The following ADI1 variants were observed in gnomAD, a reference collection of about 807,000 sequenced individuals.
ADI1 encodes the protein acireductone dioxygenase 1.
In ADI1, 21 loss-of-function variants were observed where a neutral mutation model predicts 18.7. The observed-to-expected ratio is 1.13, with a 90% CI of 0.80 to 1.62. ADI1 has a LOEUF of 1.62. Among genes scored for constraint, ADI1 ranks in the 40% most tolerant of loss-of-function variants. ADI1 has a pLI of 0.00. For missense variants in ADI1, 245 were observed against 254.9 expected (o/e 0.96, Z 0.26); for synonymous variants, 90 against 100.1 (o/e 0.90, Z 0.60).
chr2:3,519,154 C>T (rs1667499804), intron 1 of ADI1: 2 of 568,600 alleles, frequency 3.5e-6, no homozygotes, highest in Admixed American at 4.6e-5. Flanking sequence ...CCAGGCGCCG[C>T]GCAGGAGGCC....
intron 1 of ADI1, chr2:3,514,781 A>G: frequency 6.5e-7 from 1 of 1,547,208 alleles, no homozygotes; most frequent in Non-Finnish European, 8.7e-7. Flanking sequence ...TTTGCAATAA[A>G]CTGCACATTA....
rs114116573 is a variant in ADI1 at position 3,505,195 on chromosome 2, T to C, written c.241-4202A>G. 5.1e-3 allele frequency among the ~76,000 whole-genome samples: 782 copies of C among 152,330 alleles called. 4 individuals are homozygous for C. Among genetic ancestry groups the C allele is most frequent in the African/African-American group, 0.018 (755 of 41,558 alleles). ...GCTTAGAAGCCACCACTCCATCCTA[T>C]CAAGTAAAAGCAGAACAAACTGAAA... On this transcript the variant is annotated intron_variant, in intron 2 of 3. Coordinates refer to ENST00000327435, the MANE Select transcript of ADI1 (RefSeq NM_018269.4).
intron 2 of ADI1, among the ~76,000 whole-genome samples, chr2:3,501,460 A>T (rs1572231586): frequency 6.6e-6 from 1 of 152,204 alleles, no homozygotes. Flanking sequence ...ACACAGGGTG[A>T]GTGAGAAGCC....
rs763380271 is a variant in ADI1 at position 3,498,937 on chromosome 2, C to T, written c.*26G>A. 23 of 1,590,232 alleles carry T rather than the reference C, an allele frequency of 1.4e-5. No individual in the cohort carries two copies. Among genetic ancestry groups the T allele is most frequent in the South Asian group, 1.2e-4 (11 of 90,106 alleles). On this transcript the variant is annotated 3_prime_UTR_variant, in exon 4 of 4. Transcript: ENST00000327435. ...CATTACATTGGGGACCTTTACGAGG[C>T]ACGTGTTAGTTCCCAGGCAGCACTG...
chr2:3,511,502 G>T (rs2103210777), intron 2 of ADI1, among the ~76,000 whole-genome samples: 1 of 152,318 alleles, frequency 6.6e-6, no homozygotes, highest in East Asian at 1.9e-4. Context: ...CTCCCCAGAA[G>T]CAGATGGTGG....
intron 2 of ADI1, among the ~76,000 whole-genome samples, chr2:3,503,340 CACGT>C (rs1479720631): frequency 4.0e-5 from 6 of 148,386 alleles, no homozygotes; most frequent in African/African-American, 1.3e-4. Flanking sequence ...CACACATACA[CACGT>C]ACTCACACGC....
Position 3,500,912 on chromosome 2 carries a change from T to C in ADI1, c.322A>G (p.Arg108Gly), listed in dbSNP as rs1666990192. The change falls in exon 3 of 4, where the codon AGG (arginine) becomes GGG (glycine). Residue 108 changes from arginine (R) to glycine (G), a missense_variant. Transcript: ENST00000327435. ...CGGATCCACTGGTCCTCCTTGTCCC[T>C]CACATCGAAGTACCCACTGCCATCC... ...ILDGSGYFDV[R>G]DKEDQWIRIF... The C allele has an allele frequency of 1.2e-6, 2 of 1,614,080 alleles. No individual in the cohort carries two copies. The highest frequency in any genetic ancestry group is 1.3e-5 in the African/African-American group (1 of 74,936).
chr2:3,500,786 G>T, intron 3 of ADI1, 28 bp downstream of exon 3: 1 of 1,613,110 alleles, frequency 6.2e-7, no homozygotes, highest in Non-Finnish European at 8.5e-7. Flanking sequence ...CACAGGCCGG[G>T]CCTGGGGAGA....
intron 2 of ADI1, among the ~76,000 whole-genome samples, chr2:3,504,325 G>A (rs1044866818): frequency 6.6e-6 from 1 of 152,244 alleles, no homozygotes; most frequent in African/African-American, 2.4e-5. Context: ...GTATCAGCAA[G>A]AGGGTTTTAT....
At chr2:3,504,347 A>C (rs762055084) in intron 2 of ADI1, among the ~76,000 whole-genome samples, 1 of 152,242 alleles carries the variant, frequency 6.6e-6, no homozygotes, top group Non-Finnish European at 1.5e-5. Context: ...CCAGGAGAGA[A>C]GTAATTCCAG....
rs1050384379 is a variant in ADI1, at chr2:3,498,766, G to C, written c.*197C>G. On this transcript the variant is annotated 3_prime_UTR_variant, in exon 4 of 4. Transcript: ENST00000327435. ...CAGTCTTGATTGAGTTACAGAAAAT[G>C]AAGGTGACTCTTTACACTTCCAAGT... 8 of 790,096 alleles carry C rather than the reference G, an allele frequency of 1.0e-5. No individual in the cohort carries two copies. In the African/African-American group the frequency reaches 1.2e-4, roughly 12 times the overall value. The allele number at this position is 790,096 out of a possible 1,614,324, so 48.9% of individuals were successfully genotyped here.
chr2:3,512,861 C>A lies in ADI1; in HGVS notation c.240+996G>T, dbSNP rs996786110. On this transcript the variant is annotated intron_variant, in intron 2 of 3. Coordinates refer to ENST00000327435, the MANE Select transcript of ADI1 (RefSeq NM_018269.4). Reference sequence around the variant, plus strand: ...AGATTCACTGGCAGCTTGCACCCTGCACCTGCAAAAGCTATAGGCACTCAA... The same window carrying A: ...AGATTCACTGGCAGCTTGCACCCTGAACCTGCAAAAGCTATAGGCACTCAA... Among the ~76,000 whole-genome samples, 28 of 152,218 alleles carry A rather than the reference C, an allele frequency of 1.8e-4. 3 individuals are homozygous for A.
intron 2 of ADI1, among the ~76,000 whole-genome samples, chr2:3,501,498 G>A (rs922140319): frequency 2.6e-5 from 4 of 152,174 alleles, no homozygotes; most frequent in African/African-American, 9.7e-5. Flanking sequence ...GGCAGGCACA[G>A]ACTCCACAAG....
At chr2:3,516,471 T>C (rs1056634165) in intron 1 of ADI1, 2 of 84,414 alleles carry the variant, frequency 2.4e-5, no homozygotes, top group Admixed American at 1.9e-4. Flanking sequence ...CGAGGCTCCA[T>C]CTCAAAAAAA....
intron 1 of ADI1, chr2:3,514,993 G>A: frequency 9.5e-7 from 1 of 1,056,878 alleles, no homozygotes; most frequent in Non-Finnish European, 1.3e-6. Flanking sequence ...AGCTGAGGAT[G>A]TATGTCACCT....
At chr2:3,511,744 G>A (rs899844334) in intron 2 of ADI1, among the ~76,000 whole-genome samples, 3 of 152,196 alleles carry the variant, frequency 2.0e-5, no homozygotes, top group Non-Finnish European at 4.4e-5. Context: ...ACAGGAAGAT[G>A]AGGGAAAGTT....
rs527426816 is a variant in ADI1 at position 3,506,909 on chromosome 2, T to C, written c.241-5916A>G. On this transcript the variant is annotated intron_variant, in intron 2 of 3. Coordinates refer to ENST00000327435, the MANE Select transcript of ADI1 (RefSeq NM_018269.4). ...CAATGAAAAAAAGGTATTCTTTGTT[T>C]GTGTTAGAGTGATTTTGATCTCCAG... is the stretch of plus-strand genomic sequence containing the variant. Among the ~76,000 whole-genome samples the C allele has an allele frequency of 1.8e-4, 27 of 152,334 alleles. No individual in the cohort carries two copies. The East Asian group carries it at 5.2e-3, about 29-fold the overall frequency.
Position 3,513,907 on chromosome 2 carries a change from T to C in ADI1, c.190A>G (p.Met64Val), listed in dbSNP as rs773591131. The change falls in exon 2 of 4, where the codon ATG (methionine) becomes GTG (valine). Residue 64 changes from methionine (M) to valine (V), a missense_variant. Met to Val is a conservative substitution (Grantham distance 21, BLOSUM62 1). Coordinates refer to ENST00000327435, the MANE Select transcript of ADI1 (RefSeq NM_018269.4). The part of the protein sequence containing the change: ...KIRRERNYSW[M>V]DIITICKDKL... Reference sequence around the variant, plus strand: ...TCTTTGCATATGGTTATGATGTCCATCCAGGAGTAGTTCCTCTCTCTTCGG... The same window carrying C: ...TCTTTGCATATGGTTATGATGTCCACCCAGGAGTAGTTCCTCTCTCTTCGG... 6.2e-5 allele frequency: 100 copies of C among 1,611,850 alleles called. 1 individual carries two copies. In the South Asian group the frequency reaches 7.5e-4, roughly 12 times the overall value.
chr2:3,499,174 G>A, intron 3 of ADI1, 92 bp from the exon 4 acceptor site: 1 of 1,483,740 alleles, frequency 6.7e-7, no homozygotes, highest in Non-Finnish European at 9.0e-7. Context: ...AACATTAATT[G>A]CTATAAACAC....
Sources: allele counts gnomAD v4.1 joint callset (sites outside exome capture counted in the v4.1 genomes callset), GRCh38; gene constraint gnomAD v4.1.1; transcripts MANE v1.5; gene names NCBI Gene and HGNC (gene_info 2026-07-23, HGNC 2026-07-21).